The following NAV3 variants were observed in gnomAD, a reference collection of about 807,000 sequenced individuals.
NAV3 encodes the protein pore membrane and/or filament interacting like protein 1.
Under a neutral mutation model 244.7 loss-of-function variants are expected in NAV3, and 87 were observed. The ratio of observed to expected loss-of-function variants is 0.36; its 90% CI spans 0.30 to 0.42. The LOEUF (loss-of-function observed/expected upper bound fraction) is 0.42, where lower values mean the gene tolerates loss of function less well. NAV3 is among the 20% of genes least tolerant of loss of function. The pLI is 1.00. For synonymous variants in NAV3, 1,126 were observed against 1,042.2 expected (o/e 1.08, Z -1.55); for missense variants, 2,663 against 2,893.3 (o/e 0.92, Z 1.83).
chr12:77,852,372 T>TA (rs1410329327), intron 1 of NAV3, among the ~76,000 whole-genome samples: 2 of 152,002 alleles, frequency 1.3e-5, no homozygotes, highest in African/African-American at 4.8e-5. Flanking sequence ...CCATCTCTAC[T>TA]AAAAATACAA....
intron 12 of NAV3, among the ~76,000 whole-genome samples, chr12:78,074,230 C>G (rs1259963649): frequency 6.6e-6 from 1 of 152,102 alleles, no homozygotes; most frequent in East Asian, 1.9e-4. Flanking sequence ...AACACAGTGC[C>G]TATTCTTGGA....
Position 78,050,970 on chromosome 12 carries a change from T to G in NAV3, c.2339T>G (p.Met780Arg). 4 of 1,614,146 alleles carry G rather than the reference T, an allele frequency of 2.5e-6. No homozygotes were observed. The highest frequency in any genetic ancestry group is 3.4e-6 in the Non-Finnish European group (4 of 1,180,026). ...RFIHTDPSRFMYTTPLRRAAV... is the reference protein window; with the variant it reads ...RFIHTDPSRFRYTTPLRRAAV... ...ATCCACACAGACCCCTCGAGGTTCA[T>G]GTATACCACGCCTCTCCGTCGAGCT... Residue 780 changes from methionine to arginine, a missense_variant, in exon 11 of 40, where the codon ATG (methionine) becomes AGG (arginine). Met to Arg is a moderately conservative substitution (Grantham distance 91). This residue lies in a region of NAV3 where 1,521 missense variants were observed against 1,497.0 expected (regional missense o/e 1.02). Transcript: ENST00000397909.
rs866048359 is a variant in NAV3 at position 77,964,930 on chromosome 12, T to C, written c.415-1299T>C. Among the ~76,000 whole-genome samples the C allele has an allele frequency of 5.9e-5, 9 of 152,252 alleles. No homozygotes were observed. In the Middle Eastern group the frequency reaches 0.01, roughly 173 times the overall value. ...AAAGGAACATAAATAGTTTCTCTAT[T>C]TTATAAGGATAGATTCTTGAATCTA... On this transcript the variant is annotated intron_variant, in intron 3 of 39. Transcript: ENST00000397909.
At chr12:78,017,910 A>C (rs902378791) in intron 8 of NAV3, among the ~76,000 whole-genome samples, 3 of 152,178 alleles carry the variant, frequency 2.0e-5, no homozygotes, top group African/African-American at 7.2e-5. Context: ...CTGGAGTTAA[A>C]ATCTAATTTT....
At chr12:78,160,398 TG>T (rs1957483151) in intron 23 of NAV3, among the ~76,000 whole-genome samples, 1 of 84,130 alleles carries the variant, frequency 1.2e-5, no homozygotes, top group African/African-American at 4.6e-5. Context: ...TGTGTGTGTG[TG>T]CGTGCGTGTG....
At chr12:77,832,175 T>G (rs988812252) in intron 1 of NAV3, among the ~76,000 whole-genome samples, 7 of 152,360 alleles carry the variant, frequency 4.6e-5, no homozygotes, top group African/African-American at 1.7e-4. Context: ...TATCATAGGC[T>G]GCTTAATTCA....
intron 1 of NAV3, among the ~76,000 whole-genome samples, chr12:77,881,578 A>G (rs1592882549): frequency 6.6e-6 from 1 of 152,274 alleles, no homozygotes; most frequent in Admixed American, 6.6e-5. Flanking sequence ...AGTCCTAGTC[A>G]GAGCAATTAG....
intron 2 of NAV3, among the ~76,000 whole-genome samples, chr12:77,575,876 G>A (rs929844264): frequency 6.6e-6 from 1 of 152,110 alleles, no homozygotes; most frequent in Non-Finnish European, 1.5e-5. Flanking sequence ...ATGGCACAAA[G>A]GTGCAAAAAG....
At chr12:77,602,632 G>C (rs1484304905) in intron 2 of NAV3, among the ~76,000 whole-genome samples, 2 of 151,818 alleles carry the variant, frequency 1.3e-5, no homozygotes, top group African/African-American at 4.8e-5. Context: ...CAGAGGGGGA[G>C]ATGGGCAGAC....
At chr12:78,105,212 C>T (rs1393634857) in intron 12 of NAV3, among the ~76,000 whole-genome samples, 1 of 151,930 alleles carries the variant, frequency 6.6e-6, no homozygotes, top group Non-Finnish European at 1.5e-5. Context: ...AATGTTATAT[C>T]CTTATTAGCA....
intron 11 of NAV3, among the ~76,000 whole-genome samples, chr12:78,054,281 A>G (rs1883171651): frequency 6.6e-6 from 1 of 152,230 alleles, no homozygotes; most frequent in East Asian, 1.9e-4. Flanking sequence ...TTCAGAATCA[A>G]AGGGACAGTG....
chr12:77,717,743 A>T (rs1415202247), intron 2 of NAV3, among the ~76,000 whole-genome samples: 1 of 151,984 alleles, frequency 6.6e-6, no homozygotes, highest in South Asian at 2.1e-4. Flanking sequence ...AATTTTCTAC[A>T]TCCTTACCAA....
In NAV3 at chr12:77,991,890, A is replaced by G. The variant is rs186910066; in HGVS notation, c.672-2913A>G. 1.8e-4 allele frequency among the ~76,000 whole-genome samples: 28 copies of G among 152,104 alleles called. No individual in the cohort carries two copies. In the East Asian group the frequency reaches 5.2e-3, roughly 28 times the overall value. ...TACTAAAAATACAAAAAGTAGCCAG[A>G]TGTGGTGGCGGGTGCCTGTAATCCC... On this transcript the variant is annotated intron_variant, in intron 5 of 39. Coordinates refer to ENST00000397909, the MANE Select transcript of NAV3 (RefSeq NM_001024383.2).
At chr12:77,598,918 G>A (rs1043215611) in intron 2 of NAV3, among the ~76,000 whole-genome samples, 1 of 151,768 alleles carries the variant, frequency 6.6e-6, no homozygotes, top group Non-Finnish European at 1.5e-5. Context: ...GTTAACTGTA[G>A]GTACTACATT....
At chr12:77,915,582 A>G (rs1887058142) in intron 1 of NAV3, among the ~76,000 whole-genome samples, 1 of 152,028 alleles carries the variant, frequency 6.6e-6, no homozygotes, top group Admixed American at 6.6e-5. Context: ...GTATATTATT[A>G]GCATATTTTT....
intron 2 of NAV3, among the ~76,000 whole-genome samples, chr12:77,671,579 G>T (rs1163607943): frequency 6.6e-6 from 1 of 152,126 alleles, no homozygotes; most frequent in Non-Finnish European, 1.5e-5. Flanking sequence ...TAGACTAAGG[G>T]AACAGAGTAG....
At chr12:77,821,897 A>AT (rs1289115973) in intron 2 of NAV3, among the ~76,000 whole-genome samples, 4 of 152,176 alleles carry the variant, frequency 2.6e-5, no homozygotes, top group East Asian at 3.9e-4. Context: ...TTTAGGTTGC[A>AT]TTTTTTTAGC....
At chr12:77,936,244 A>G (rs1889317635) in intron 1 of NAV3, among the ~76,000 whole-genome samples, 1 of 152,204 alleles carries the variant, frequency 6.6e-6, no homozygotes, top group Non-Finnish European at 1.5e-5. Flanking sequence ...GATTTTTATC[A>G]CTTTTAATTA....
At chr12:77,743,004 G>C (rs1868368069) in intron 2 of NAV3, among the ~76,000 whole-genome samples, 1 of 152,024 alleles carries the variant, frequency 6.6e-6, no homozygotes, top group South Asian at 2.1e-4. Context: ...CCAAGAAGCA[G>C]AGAAAAGTTA....
Sources: gnomAD v4.1 joint callset for allele counts (sites outside exome capture counted in the v4.1 genomes callset) on GRCh38, gnomAD v4.1.1 for gene constraint, gnomAD v4.1.1 regional missense constraint, MANE v1.5 for transcripts, NCBI Gene and HGNC (gene_info 2026-07-23, HGNC 2026-07-21) for gene names.